The following RANBP17 variants were observed in gnomAD, a reference collection of about 807,000 sequenced individuals.
The protein encoded by RANBP17 is RAN binding protein 17.
RANBP17 carries 158 observed loss-of-function variants against 141.2 expected under a neutral mutation model. The ratio of observed to expected loss-of-function variants is 1.12; its 90% CI spans 0.98 to 1.28. RANBP17 has a LOEUF of 1.28. Ranked by LOEUF, RANBP17 falls within the 50% of genes most tolerant of loss-of-function variation. The pLI, the probability that RANBP17 is intolerant of heterozygous loss-of-function variation, is 0.00. For missense variants in RANBP17, 1,438 were observed against 1,290.7 expected (o/e 1.11, Z -1.75); for synonymous variants, 430 against 450.0 (o/e 0.96, Z 0.56).
intron 14 of RANBP17, among the ~76,000 whole-genome samples, chr5:170,975,585 C>G (rs541778539): frequency 5.2e-4 from 79 of 152,222 alleles, no homozygotes; most frequent in Admixed American, 1.6e-3. Context: ...CTTACAAATT[C>G]TTTTTTACAA....
At chr5:171,136,918 TTC>T (rs1757329395) in intron 14 of RANBP17, among the ~76,000 whole-genome samples, 1 of 152,170 alleles carries the variant, frequency 6.6e-6, no homozygotes, top group Admixed American at 6.5e-5. Context: ...TCTTCATGGT[TTC>T]TCTCAGTTTT....
chr5:171,164,378 G>A (rs1426158832), intron 14 of RANBP17, among the ~76,000 whole-genome samples: 1 of 152,128 alleles, frequency 6.6e-6, no homozygotes, highest in Non-Finnish European at 1.5e-5. Flanking sequence ...TTTATTAAAT[G>A]TACAACTCAA....
intron 14 of RANBP17, among the ~76,000 whole-genome samples, chr5:170,980,549 G>A (rs979853657): frequency 6.6e-6 from 1 of 152,190 alleles, no homozygotes; most frequent in Non-Finnish European, 1.5e-5. Context: ...GTGGCTGAAA[G>A]GGGCCAATGT....
intron 14 of RANBP17, among the ~76,000 whole-genome samples, chr5:171,139,997 A>G (rs975809714): frequency 6.6e-6 from 1 of 152,090 alleles, no homozygotes; most frequent in African/African-American, 2.4e-5. Context: ...AAACTCTCTT[A>G]TAACTCCAGG....
At chr5:171,002,247 T>G (rs1436468134) in intron 14 of RANBP17, among the ~76,000 whole-genome samples, 2 of 151,756 alleles carry the variant, frequency 1.3e-5, no homozygotes, top group Non-Finnish European at 2.9e-5. Context: ...ATTTGCCTTG[T>G]GTGGGAAGAG....
chr5:170,940,218 G>A (rs991865706), intron 12 of RANBP17, among the ~76,000 whole-genome samples: 1 of 152,110 alleles, frequency 6.6e-6, no homozygotes, highest in African/African-American at 2.4e-5. Context: ...AAATATGAAC[G>A]TATAGGAGGC....
At chr5:171,053,914 TA>T (rs1426637459) in intron 14 of RANBP17, among the ~76,000 whole-genome samples, 19,234 of 123,982 alleles carry the variant, frequency 0.16, 3,495 homozygotes, top group South Asian at 0.24. Context: ...TATATATATA[TA>T]TATATATATA....
At chr5:171,212,127 G>A (rs950622266) in intron 20 of RANBP17, among the ~76,000 whole-genome samples, 1 of 152,186 alleles carries the variant, frequency 6.6e-6, no homozygotes, top group Admixed American at 6.5e-5. Flanking sequence ...GGAGGCAAGT[G>A]CATGTGATGT....
At chr5:171,127,182 A>G (rs1187810237) in intron 14 of RANBP17, among the ~76,000 whole-genome samples, 1 of 152,258 alleles carries the variant, frequency 6.6e-6, no homozygotes, top group African/African-American at 2.4e-5. Flanking sequence ...ATGTAAATAA[A>G]TGAACGTGAT....
chr5:171,072,283 A>G (rs1181785794), intron 14 of RANBP17, among the ~76,000 whole-genome samples: 1 of 152,176 alleles, frequency 6.6e-6, no homozygotes, highest in East Asian at 1.9e-4. Flanking sequence ...CAAGAAAGGA[A>G]CACAGTCCTA....
At chr5:171,073,543 G>A (rs1285981798) in intron 14 of RANBP17, among the ~76,000 whole-genome samples, 2 of 152,230 alleles carry the variant, frequency 1.3e-5, no homozygotes, top group East Asian at 3.9e-4. Flanking sequence ...CTGGAGAGAT[G>A]TATGAGCAGA....
At chr5:171,008,158 A>G (rs1444393726) in intron 14 of RANBP17, among the ~76,000 whole-genome samples, 1 of 152,242 alleles carries the variant, frequency 6.6e-6, no homozygotes, top group African/African-American at 2.4e-5. Flanking sequence ...TTTTGGGTAC[A>G]CAGATAAAAT....
chr5:171,289,907 A>G (rs1021629717), intron 25 of RANBP17, among the ~76,000 whole-genome samples: 21 of 151,736 alleles, frequency 1.4e-4, no homozygotes, highest in African/African-American at 5.1e-4. Context: ...GCACATGCCT[A>G]TAGTCCCAGT....
intron 14 of RANBP17, among the ~76,000 whole-genome samples, chr5:171,022,060 AGGTTTGCTG>A (rs775094995): frequency 1.4e-4 from 22 of 151,920 alleles, no homozygotes; most frequent in Middle Eastern, 6.8e-3. Context: ...GGCTTCTGTA[AGGTTTGCTG>A]GGTTTGCTGG....
chr5:171,156,277 T>C (rs1296932043), intron 14 of RANBP17, among the ~76,000 whole-genome samples: 1 of 152,102 alleles, frequency 6.6e-6, no homozygotes, highest in African/African-American at 2.4e-5. Flanking sequence ...GCTAAAATTA[T>C]GATTTTTAAA....
At chr5:171,135,928 T>A (rs1435676954) in intron 14 of RANBP17, among the ~76,000 whole-genome samples, 3 of 152,174 alleles carry the variant, frequency 2.0e-5, no homozygotes, top group Non-Finnish European at 4.4e-5. Flanking sequence ...AAGATTAATT[T>A]GCTTTATCAA....
chr5:171,293,418 G>A (rs1229804622), intron 25 of RANBP17, among the ~76,000 whole-genome samples: 2 of 152,238 alleles, frequency 1.3e-5, no homozygotes, highest in Non-Finnish European at 2.9e-5. Flanking sequence ...GAAACATGAT[G>A]TTCCAGGATC....
chr5:171,073,880 T>G (rs1324140981), intron 14 of RANBP17, among the ~76,000 whole-genome samples: 1 of 151,260 alleles, frequency 6.6e-6, no homozygotes, highest in Non-Finnish European at 1.5e-5. Context: ...AGCAACAAAA[T>G]GGGATGTTAT....
At chr5:170,972,664 T>G (rs1777078885) in intron 14 of RANBP17, among the ~76,000 whole-genome samples, 1 of 152,160 alleles carries the variant, frequency 6.6e-6, no homozygotes, top group Admixed American at 6.5e-5. Context: ...CTGCAGTAAA[T>G]ATTCTCATGT....
Sources: allele counts gnomAD v4.1 joint callset (sites outside exome capture counted in the v4.1 genomes callset), GRCh38; gene constraint gnomAD v4.1.1; transcripts MANE v1.5; gene names NCBI Gene and HGNC (gene_info 2026-07-23, HGNC 2026-07-21).